The following KRT37 variants were observed in gnomAD, a reference collection of about 807,000 sequenced individuals.
KRT37 encodes keratin, type I cuticular Ha7.
In KRT37, 38 loss-of-function variants were observed where a neutral mutation model predicts 41.9. That is an observed-to-expected ratio of 0.91 (90% CI 0.70 to 1.19). The LOEUF (loss-of-function observed/expected upper bound fraction) is 1.19, where lower values mean the gene tolerates loss of function less well. KRT37 is among the 50% of genes most tolerant of loss of function. The probability of loss-of-function intolerance (pLI) is 0.00; values close to 1 mark genes in which losing one functional copy is unlikely to be tolerated. For missense variants in KRT37, 580 were observed against 575.5 expected, an observed-to-expected ratio of 1.01 and a Z score of -0.08; for synonymous variants, 252 against 243.4, an observed-to-expected ratio of 1.04 and a Z score of -0.33.
chr17:41,421,014 TA>T (rs2018532510), intron 6 of KRT37, 28 bp from the exon 7 acceptor site: 14 of 1,543,104 alleles, frequency 9.1e-6, no homozygotes, highest in Non-Finnish European at 1.1e-5. Context: ...AGAGTTACAT[TA>T]AAAAGATGTC....
Position 41,421,571 on chromosome 17 carries a change from T to C in KRT37, c.1037A>G (p.Asn346Ser). ...GCGGTCCTCCGCTTCACACAGGGAGTTCTGCAGACAGTCCTTCTGTAATGG... is the reference window on the plus strand; with the variant it reads ...GCGGTCCTCCGCTTCACACAGGGAGCTCTGCAGACAGTCCTTCTGTAATGG... Reference protein sequence around the residue: ...AQHTLKDCLQNSLCEAEDRYG... With the variant: ...AQHTLKDCLQSSLCEAEDRYG... Residue 346 changes from asparagine to serine, a missense_variant, in exon 6 of 7, where the codon AAC (asparagine) becomes AGC (serine). By Grantham distance (46) the Asn-to-Ser change is conservative. Coordinates refer to ENST00000225550, the MANE Select transcript of KRT37 (RefSeq NM_003770.5). The C allele has an allele frequency of 6.2e-7, 1 of 1,614,106 alleles. No individual in the cohort carries two copies. The highest frequency in any genetic ancestry group is 1.1e-5 in the South Asian group (1 of 91,074).
chr17:41,422,825 C>A lies in KRT37; in HGVS notation c.685G>T (p.Glu229Ter). ...LAKADLEAQQ[E>*]SLKEEQLSLK... Reference sequence around the variant, plus strand: ...GAGAGCTGCTCCTCCTTCAGGGACTCCTGCTGGGCCTCCAGGTCGGCCTTG... The same window carrying A: ...GAGAGCTGCTCCTCCTTCAGGGACTACTGCTGGGCCTCCAGGTCGGCCTTG... The change falls in exon 3 of 7, where the codon GAG (glutamate) becomes TAG (stop). Residue 229 changes from glutamate to a stop codon, truncating the protein, a stop_gained. Coordinates refer to ENST00000225550, the MANE Select transcript of KRT37 (RefSeq NM_003770.5). LOFTEE classifies it high-confidence loss of function. 6.2e-7 allele frequency: 1 copy of A among 1,613,944 alleles called. No individual in the cohort carries two copies. Among genetic ancestry groups the A allele is most frequent in the Non-Finnish European group, 8.5e-7 (1 of 1,179,936 alleles).
Position 41,421,538 on chromosome 17 carries a change from G to C in KRT37, c.1070C>G (p.Thr357Arg). The change falls in exon 6 of 7, where the codon ACA becomes AGA. Residue 357 changes from threonine (T) to arginine (R), a missense_variant. By Grantham distance (71) the Thr-to-Arg change is moderately conservative (BLOSUM62 -1). Transcript: ENST00000225550. ...SLCEAEDRYG[T>R]ELAQMQSLIS... is the part of the protein sequence containing the mutation. Reference sequence around the variant, plus strand: ...GAGGCTCTGCATCTGGGCCAGCTCTGTGCCGTAGCGGTCCTCCGCTTCACA... The same window carrying C: ...GAGGCTCTGCATCTGGGCCAGCTCTCTGCCGTAGCGGTCCTCCGCTTCACA... 1 of 1,614,250 alleles carries C rather than the reference G, an allele frequency of 6.2e-7. No individual in the cohort carries two copies. Among genetic ancestry groups the C allele is most frequent in the Non-Finnish European group, 8.5e-7 (1 of 1,180,048 alleles).
At position 41,422,353 on chromosome 17, in the gene KRT37, C is replaced by G. The variant is rs746212371; in HGVS notation, c.814G>C (p.Val272Leu). 6.2e-7 allele frequency: 1 copy of G among 1,614,220 alleles called. No homozygotes were observed. ...DIEPTIDLNR[V>L]LGEMRAQYEA... ...TACTGAGCCCGCATCTCCCCCAACACCCTGTTCAGGTCAATGGTGGGCTCA... is the reference window on the plus strand; with the variant it reads ...TACTGAGCCCGCATCTCCCCCAACAGCCTGTTCAGGTCAATGGTGGGCTCA... The change falls in exon 4 of 7, where the codon GTG becomes CTG. Residue 272 changes from valine (V) to leucine (L), a missense_variant. Transcript: ENST00000225550.
Position 41,421,503 on chromosome 17 carries a change from A to G in KRT37, c.1105T>C (p.Leu369=), listed in dbSNP as rs747531928. 1.2e-5 allele frequency: 19 copies of G among 1,614,056 alleles called. No homozygotes were observed. The East Asian group carries it at 4.2e-4, about 36-fold the overall frequency. The change falls in exon 6 of 7, where the codon TTG becomes CTG. Residue 369 remains leucine, a synonymous_variant. Coordinates refer to ENST00000225550, the MANE Select transcript of KRT37 (RefSeq NM_003770.5). ...LAQMQSLISN[L]EEQLSEIRAD... ...CGGATCTCAGACAACTGCTCTTCCA[A>G]GTTGCTAATGAGGCTCTGCATCTGG... is the stretch of plus-strand genomic sequence containing the variant.
At position 41,422,317 on chromosome 17, in the gene KRT37, C is replaced by A. The variant is rs756160239; in HGVS notation, c.850G>T (p.Val284Leu). 116 of 1,613,992 alleles carry A rather than the reference C, an allele frequency of 7.2e-5. 4 individuals carry two copies. Among genetic ancestry groups the A allele is most frequent in the Admixed American group, 2.0e-4 (12 of 60,004 alleles). ...TCCACATCCTGGTGGTTGGTCTCCACCATGGCCTCGTACTGAGCCCGCATC... is the reference window on the plus strand; with the variant it reads ...TCCACATCCTGGTGGTTGGTCTCCAACATGGCCTCGTACTGAGCCCGCATC... ...GEMRAQYEAMVETNHQDVEQW... is the reference protein window; with the variant it reads ...GEMRAQYEAMLETNHQDVEQW... Residue 284 changes from valine (V) to leucine (L), a missense_variant, in exon 4 of 7, where the codon GTG becomes TTG. Physicochemically the swap from Val to Leu is conservative, Grantham distance 32. Coordinates refer to ENST00000225550, the MANE Select transcript of KRT37 (RefSeq NM_003770.5).
chr17:41,424,033 T>A lies in KRT37; in HGVS notation c.491A>T (p.Lys164Met), dbSNP rs201439644. Reference protein sequence around the residue: ...YFRTIEELQQKILCSKAENAR... With the variant: ...YFRTIEELQQMILCSKAENAR... ...TGCCCAGGCGATCCCACACCTCACC[T>A]TCTGCTGGAGCTCCTCGATTGTACG... The change falls in exon 1 of 7, where the codon AAG becomes ATG. Residue 164 changes from lysine (K) to methionine (M), a missense_variant and splice_region_variant. Transcript: ENST00000225550. 6.2e-7 allele frequency: 1 copy of A among 1,611,844 alleles called. No individual in the cohort carries two copies. The highest frequency in any genetic ancestry group is 2.2e-5 in the East Asian group (1 of 44,822).
At position 41,422,857 on chromosome 17, in the gene KRT37, G is replaced by T. The variant is rs775345562; in HGVS notation, c.653C>A (p.Thr218Asn). The T allele has an allele frequency of 8.1e-6, 13 of 1,613,990 alleles. No homozygotes were observed. The highest frequency in any genetic ancestry group is 5.0e-5 in the Admixed American group (3 of 60,004). ...CGTQKLLDDA[T>N]LAKADLEAQQ... ...GGCCTCCAGGTCGGCCTTGGCCAGG[G>T]TCGCGTCATCCAGGAGCTTCTGCGT... is the stretch of plus-strand genomic sequence containing the variant. The change falls in exon 3 of 7, where the codon ACC (threonine) becomes AAC (asparagine). Residue 218 changes from threonine (T) to asparagine (N), a missense_variant. Transcript: ENST00000225550.
chr17:41,422,333 A>T lies in KRT37; in HGVS notation c.834T>A (p.Ala278=). ...DLNRVLGEMR[A]QYEAMVETNH... ...TGGTCTCCACCATGGCCTCGTACTGAGCCCGCATCTCCCCCAACACCCTGT... is the reference window on the plus strand; with the variant it reads ...TGGTCTCCACCATGGCCTCGTACTGTGCCCGCATCTCCCCCAACACCCTGT... Residue 278 remains alanine (A), a synonymous_variant, in exon 4 of 7, where the codon GCT becomes GCA. Transcript: ENST00000225550. 2 of 1,614,118 alleles carry T rather than the reference A, an allele frequency of 1.2e-6. No individual in the cohort carries two copies. Among genetic ancestry groups the T allele is most frequent in the Non-Finnish European group, 1.7e-6 (2 of 1,180,010 alleles).
At chr17:41,423,670 T>C (rs1030308819) in intron 2 of KRT37, 92 bp downstream of exon 2, 3 of 1,193,862 alleles carry the variant, frequency 2.5e-6, no homozygotes, top group East Asian at 4.7e-5. Flanking sequence ...AAAACTGTTT[T>C]TGAACACCTA....
intron 1 of KRT37, 21 bp from the exon 2 acceptor site, chr17:41,423,865 G>A (rs368796001): frequency 1.7e-4 from 275 of 1,613,450 alleles, no homozygotes; most frequent in Non-Finnish European, 2.3e-4. Context: ...CGGAAAGACG[G>A]TTCACACACA....
intron 6 of KRT37, 125 bp from the exon 7 acceptor site, chr17:41,421,111 C>T (rs1309949414): frequency 1.3e-6 from 1 of 789,768 alleles, no homozygotes; most frequent in East Asian, 2.6e-5. Flanking sequence ...TCTATACCAA[C>T]AGTTCTCTCA....
intron 4 of KRT37, 30 bp from the exon 5 acceptor site, chr17:41,422,224 C>T (rs745829452): frequency 1.2e-6 from 2 of 1,614,008 alleles, no homozygotes; most frequent in South Asian, 2.2e-5. Context: ...AGTCACCTCC[C>T]TGCTCAGATG....
chr17:41,423,667 T>G, intron 2 of KRT37, 95 bp downstream of exon 2: 2 of 1,152,492 alleles, frequency 1.7e-6, no homozygotes, highest in Non-Finnish European at 2.5e-6. Context: ...TCAAAAACTG[T>G]TTTTGAACAC....
Position 41,424,083 on chromosome 17 carries a change from C to T in KRT37, c.441G>A (p.Val147=). Residue 147 remains valine, a synonymous_variant, in exon 1 of 7, where the codon GTG becomes GTA. Coordinates refer to ENST00000225550, the MANE Select transcript of KRT37 (RefSeq NM_003770.5). ...GGAAGTAGGACTGGTAGTCGGGGCA[C>T]ACGGTGGACTCGTGGCACTTGCTCC... ...LERSKCHEST[V]CPDYQSYFRT... is the part of the protein sequence containing the mutation. 6.2e-7 allele frequency: 1 copy of T among 1,614,238 alleles called. No homozygotes were observed.
At chr17:41,422,732 G>T in intron 3 of KRT37, 46 bp downstream of exon 3, 1 of 1,483,822 alleles carries the variant, frequency 6.7e-7, no homozygotes, top group Non-Finnish European at 9.1e-7. Flanking sequence ...GAGCTCCCCT[G>T]TCTGCCCAGC....
intron 5 of KRT37, 64 bp downstream of exon 5, chr17:41,422,005 G>A: frequency 5.0e-6 from 8 of 1,611,446 alleles, no homozygotes; most frequent in Non-Finnish European, 6.8e-6. Context: ...GAGACTTTAA[G>A]AGATGCTACT....
chr17:41,421,429 C>T lies in KRT37; in HGVS notation c.1179G>A (p.Val393=), dbSNP rs1379180542. The change falls in exon 6 of 7, where the codon GTG becomes GTA. Residue 393 remains valine (V), a synonymous_variant. Coordinates refer to ENST00000225550, the MANE Select transcript of KRT37 (RefSeq NM_003770.5). The part of the protein sequence containing the change: ...QNQEYQVLLD[V]KARLENEIAT... ...CAATCTCGTTCTCCAACCGGGCCTT[C>T]ACGTCCAGCAGCACCTGGTACTCCT... is the stretch of plus-strand genomic sequence containing the variant. 8.7e-6 allele frequency: 14 copies of T among 1,614,242 alleles called. No homozygotes were observed. The highest frequency in any genetic ancestry group is 1.2e-5 in the Non-Finnish European group (14 of 1,180,042).
chr17:41,422,332 G>A lies in KRT37; in HGVS notation c.835C>T (p.Gln279Ter), dbSNP rs1251420503. Residue 279 changes from glutamine (Q) to a stop codon, truncating the protein, a stop_gained, in exon 4 of 7, where the codon CAG becomes TAG. Coordinates refer to ENST00000225550, the MANE Select transcript of KRT37 (RefSeq NM_003770.5). LOFTEE classifies it high-confidence loss of function. ...TTGGTCTCCACCATGGCCTCGTACT[G>A]AGCCCGCATCTCCCCCAACACCCTG... is the stretch of plus-strand genomic sequence containing the variant. ...LNRVLGEMRA[Q>*]YEAMVETNHQ... 3.7e-6 allele frequency: 6 copies of A among 1,614,174 alleles called. No homozygotes were observed. The highest frequency in any genetic ancestry group is 1.7e-5 in the Admixed American group (1 of 60,028).
Sources: gnomAD v4.1 joint callset for allele counts on GRCh38, gnomAD v4.1.1 for gene constraint, MANE v1.5 for transcripts, NCBI Gene and HGNC (gene_info 2026-07-23, HGNC 2026-07-21) for gene names.